Variants in LMLN observed in about 807,000 individuals in gnomAD.
The protein encoded by LMLN is leishmanolysin like peptidase.
LMLN carries 70 observed loss-of-function variants against 92.3 expected under a neutral mutation model. The observed-to-expected ratio is 0.76, with a 90% CI of 0.63 to 0.92. The LOEUF (loss-of-function observed/expected upper bound fraction) is 0.92. Ranked by LOEUF, LMLN falls within the 40% of genes least tolerant of loss-of-function variation. LMLN has a pLI of 0.00. For synonymous variants in LMLN, 308 were observed against 296.2 expected, an observed-to-expected ratio of 1.04 and a Z score of -0.41; for missense variants, 691 against 814.6, an observed-to-expected ratio of 0.85 and a Z score of 1.85.
At chr3:197,988,245 A>T (rs1721767302) in intron 8 of LMLN, among the ~76,000 whole-genome samples, 1 of 151,844 alleles carries the variant, frequency 6.6e-6, no homozygotes, top group Non-Finnish European at 1.5e-5. Flanking sequence ...CCGTCTCTCA[A>T]GCAGCTGGGA....
At chr3:197,962,558 C>T (rs2109835726) in intron 1 of LMLN, among the ~76,000 whole-genome samples, 2 of 152,258 alleles carry the variant, frequency 1.3e-5, no homozygotes, top group East Asian at 3.9e-4. Context: ...ACCCTTTCTC[C>T]AAAATACTCT....
chr3:197,977,448 T>G (rs558887451), intron 5 of LMLN, among the ~76,000 whole-genome samples: 35 of 150,354 alleles, frequency 2.3e-4, no homozygotes, highest in African/African-American at 8.6e-4. Context: ...CATAAAAAAT[T>G]ATCAAACAAT....
At chr3:197,968,815 CTAAT>C (rs1364862699) in intron 1 of LMLN, among the ~76,000 whole-genome samples, 2 of 152,176 alleles carry the variant, frequency 1.3e-5, no homozygotes, top group African/African-American at 2.4e-5. Flanking sequence ...GTAGAATTCA[CTAAT>C]TAAGCCATCT....
At chr3:198,034,666 G>A (rs1271315303) in intron 14 of LMLN, among the ~76,000 whole-genome samples, 1 of 152,090 alleles carries the variant, frequency 6.6e-6, no homozygotes, top group Non-Finnish European at 1.5e-5. Context: ...TGTTTTAAAA[G>A]TTAGCATTAA....
intron 6 of LMLN, among the ~76,000 whole-genome samples, chr3:197,982,937 A>G (rs1399936183): frequency 6.6e-6 from 1 of 152,334 alleles, no homozygotes; most frequent in African/African-American, 2.4e-5. Context: ...GGAGCCCCTC[A>G]GTGGACACTG....
intron 11 of LMLN, among the ~76,000 whole-genome samples, chr3:198,009,506 CCTCTT>C (rs1429856230): frequency 6.6e-6 from 1 of 152,150 alleles, no homozygotes; most frequent in East Asian, 1.9e-4. Flanking sequence ...AGTTTTTCCT[CCTCTT>C]CTATTTTTCT....
intron 1 of LMLN, among the ~76,000 whole-genome samples, chr3:197,967,015 G>C (rs1032038652): frequency 1.3e-5 from 2 of 152,114 alleles, no homozygotes; most frequent in Non-Finnish European, 2.9e-5. Flanking sequence ...AGTCTCGTCT[G>C]GAGCCACTGG....
At chr3:198,041,156 C>T (rs924162167) in exon 16 of LMLN, 21 of 152,152 alleles carry the variant, frequency 1.4e-4, no homozygotes, top group Admixed American at 2.0e-4. Flanking sequence ...AGAGGAAAGT[C>T]GCTTTTTTTT....
chr3:197,974,544 C>A, intron 2 of LMLN, 70 bp downstream of exon 2: 1 of 810,252 alleles, frequency 1.2e-6, no homozygotes, highest in Non-Finnish European at 1.9e-6. Flanking sequence ...TTGTCTGTTA[C>A]CTGAAGTTCT....
At chr3:198,018,807 G>A (rs563994944) in intron 11 of LMLN, among the ~76,000 whole-genome samples, 8 of 152,208 alleles carry the variant, frequency 5.3e-5, no homozygotes, top group East Asian at 1.9e-4. Flanking sequence ...TTTTTATATC[G>A]TCAACTGTCA....
intron 11 of LMLN, among the ~76,000 whole-genome samples, chr3:198,017,134 A>C (rs1722661270): frequency 6.6e-6 from 1 of 152,128 alleles, no homozygotes. Flanking sequence ...AAAAATCGAC[A>C]AGGAAAAAAA....
At chr3:198,036,663 G>A (rs1194583728) in intron 15 of LMLN, among the ~76,000 whole-genome samples, 1 of 152,152 alleles carries the variant, frequency 6.6e-6, no homozygotes, top group Admixed American at 6.5e-5. Flanking sequence ...AGAAGCAGGA[G>A]GGGAATGCAG....
chr3:197,988,402 T>A (rs1328609122), intron 8 of LMLN, among the ~76,000 whole-genome samples: 3 of 151,900 alleles, frequency 2.0e-5, no homozygotes, highest in Non-Finnish European at 2.9e-5. Flanking sequence ...TGAAATTTTT[T>A]TTGATTTATG....
chr3:197,986,393 G>A (rs890095357), intron 8 of LMLN, among the ~76,000 whole-genome samples: 1 of 152,210 alleles, frequency 6.6e-6, no homozygotes, highest in Non-Finnish European at 1.5e-5. Flanking sequence ...TCAGGAGGCT[G>A]AGGCTACAGT....
At chr3:198,028,353 T>A (rs1057082479) in intron 14 of LMLN, among the ~76,000 whole-genome samples, 2 of 152,234 alleles carry the variant, frequency 1.3e-5, no homozygotes, top group Non-Finnish European at 2.9e-5. Context: ...CTGTAGGATA[T>A]TCGTCCATAA....
intron 10 of LMLN, 105 bp downstream of exon 10, chr3:197,996,387 C>T (rs1209689647): frequency 6.3e-6 from 4 of 631,948 alleles, no homozygotes; most frequent in Non-Finnish European, 1.0e-5. Flanking sequence ...GTTTACGTCC[C>T]TTTACCCCTT....
chr3:197,975,282 A>G (rs1475647493), intron 3 of LMLN, among the ~76,000 whole-genome samples: 1 of 152,150 alleles, frequency 6.6e-6, no homozygotes, highest in African/African-American at 2.4e-5. Context: ...CTTTTTTTGT[A>G]ATTTGATAAT....
rs1397906420 is a variant in LMLN at position 198,031,163 on chromosome 3, A to C, written c.1657-4670A>C. Among the ~76,000 whole-genome samples, 1 of 152,258 alleles carries C rather than the reference A, an allele frequency of 6.6e-6. No homozygotes were observed. The highest frequency in any genetic ancestry group is 1.5e-5 in the Non-Finnish European group (1 of 68,040). On this transcript the variant is annotated intron_variant, in intron 14 of 15. Coordinates refer to ENST00000330198, the Ensembl canonical transcript of LMLN. The surrounding 1 kb of genome is among the most constrained non-coding windows in gnomAD (Gnocchi z 4.8). ...AGCCCACATGAGTAAATGAAAACTC[A>C]AAGAAGTGTGAAACCTATATACTTT... is the stretch of plus-strand genomic sequence containing the variant.
chr3:197,980,252 T>A, intron 5 of LMLN, 74 bp from the exon 6 acceptor site: 1 of 1,278,164 alleles, frequency 7.8e-7, no homozygotes, highest in Non-Finnish European at 1.1e-6. Context: ...AGTGTAGATT[T>A]TACTATAAGA....
Sources: gnomAD v4.1 joint callset for allele counts (sites outside exome capture counted in the v4.1 genomes callset) on GRCh38, gnomAD v4.1.1 for gene constraint, Gnocchi (gnomAD v3.1) non-coding constraint, MANE v1.5 for transcripts, NCBI Gene and HGNC (gene_info 2026-07-23, HGNC 2026-07-21) for gene names.